FAT3: variants seen among roughly 807,000 people sequenced by gnomAD.
FAT3 encodes protocadherin Fat 3.
Under a neutral mutation model 310.2 loss-of-function variants are expected in FAT3, and 95 were observed. That is an observed-to-expected ratio of 0.31 (90% CI 0.26 to 0.36). The LOEUF (loss-of-function observed/expected upper bound fraction) is 0.36, where lower values mean the gene tolerates loss of function less well. Ranked by LOEUF, FAT3 falls within the 10% of genes least tolerant of loss-of-function variation. FAT3 has a pLI of 1.00. For synonymous variants in FAT3, 2,314 were observed against 2,192.9 expected (o/e 1.06, Z -1.54); for missense variants, 5,408 against 5,715.6 (o/e 0.95, Z 1.74).
chr11:92,235,730 A>C (rs1010499336), intron 1 of FAT3, among the ~76,000 whole-genome samples: 1 of 152,176 alleles, frequency 6.6e-6, no homozygotes, highest in Non-Finnish European at 1.5e-5. Flanking sequence ...TCACAGTTGG[A>C]GGAAAGATCC....
chr11:92,766,058 G>A (rs1946301834), intron 6 of FAT3, among the ~76,000 whole-genome samples: 1 of 152,094 alleles, frequency 6.6e-6, no homozygotes, highest in South Asian at 2.1e-4. Context: ...TCCCCCGCAA[G>A]CCGAATAGAG....
At chr11:92,471,667 G>A (rs564993542) in intron 2 of FAT3, among the ~76,000 whole-genome samples, 5 of 152,024 alleles carry the variant, frequency 3.3e-5, no homozygotes, top group African/African-American at 7.2e-5. Flanking sequence ...ATGCATTTAC[G>A]CTAATCAGTA....
intron 13 of FAT3, among the ~76,000 whole-genome samples, chr11:92,819,790 A>C (rs1180372918): frequency 1.3e-5 from 2 of 152,216 alleles, no homozygotes; most frequent in Non-Finnish European, 2.9e-5. Flanking sequence ...ATAATAAGAA[A>C]ATATCTGATT....
chr11:92,664,453 G>C (rs2135803881), intron 3 of FAT3, among the ~76,000 whole-genome samples: 1 of 152,212 alleles, frequency 6.6e-6, no homozygotes, highest in South Asian at 2.1e-4. Context: ...TCACATTTTG[G>C]TGTGAGATTG....
chr11:92,474,529 G>T (rs1278166601), intron 2 of FAT3, among the ~76,000 whole-genome samples: 2 of 152,128 alleles, frequency 1.3e-5, no homozygotes, highest in Non-Finnish European at 2.9e-5. Context: ...GGGGATGGAT[G>T]TCATTCCAGC....
At chr11:92,453,363 T>G (rs1394184199) in intron 2 of FAT3, among the ~76,000 whole-genome samples, 1 of 152,188 alleles carries the variant, frequency 6.6e-6, no homozygotes, top group Admixed American at 6.5e-5. Context: ...AAATGGTTGA[T>G]TCCCCTTTCT....
intron 22 of FAT3, among the ~76,000 whole-genome samples, chr11:92,873,898 G>A (rs1277339124): frequency 6.6e-6 from 1 of 152,112 alleles, no homozygotes; most frequent in Non-Finnish European, 1.5e-5. Context: ...TCTGAGAACT[G>A]GCATGAAGTG....
chr11:92,489,691 T>C (rs919186433), intron 2 of FAT3, among the ~76,000 whole-genome samples: 2 of 152,096 alleles, frequency 1.3e-5, no homozygotes, highest in African/African-American at 4.8e-5. Context: ...TAGGACATCA[T>C]TGCTCTATAT....
chr11:92,800,169 G>A lies in FAT3; in HGVS notation c.7156G>A (p.Asp2386Asn), dbSNP rs528105780. ...SEVLVHIYIS[D>N]VNDNPPVFNQ... ...GGTTCTCGTTCATATCTACATCTCTGATGTAAATGACAACCCTCCAGTTTT... is the reference window on the plus strand; with the variant it reads ...GGTTCTCGTTCATATCTACATCTCTAATGTAAATGACAACCCTCCAGTTTT... The change falls in exon 10 of 28, where the codon GAT (aspartate) becomes AAT (asparagine). Residue 2386 changes from aspartate to asparagine, a missense_variant. Transcript: ENST00000525166. 26 of 1,613,940 alleles carry A rather than the reference G, an allele frequency of 1.6e-5. No individual in the cohort carries two copies. The highest frequency in any genetic ancestry group is 2.2e-5 in the South Asian group (2 of 91,062).
intron 1 of FAT3, among the ~76,000 whole-genome samples, chr11:92,233,481 A>T (rs895321492): frequency 6.6e-6 from 1 of 152,200 alleles, no homozygotes; most frequent in African/African-American, 2.4e-5. Context: ...ATCTTGGACT[A>T]ATTTTTTCAT....
chr11:92,528,414 G>A (rs1473395563), intron 3 of FAT3, among the ~76,000 whole-genome samples: 3 of 152,144 alleles, frequency 2.0e-5, no homozygotes, highest in African/African-American at 4.8e-5. Context: ...CTTCCTTCCA[G>A]TTCGCTCAGT....
At chr11:92,296,784 T>C (rs903763603) in intron 1 of FAT3, among the ~76,000 whole-genome samples, 5 of 152,090 alleles carry the variant, frequency 3.3e-5, no homozygotes, top group Non-Finnish European at 7.4e-5. Flanking sequence ...GTGATAGCCA[T>C]TGCGCATGCT....
intron 4 of FAT3, among the ~76,000 whole-genome samples, chr11:92,726,507 A>G (rs1027419385): frequency 2.0e-5 from 3 of 152,154 alleles, no homozygotes; most frequent in Non-Finnish European, 4.4e-5. Flanking sequence ...ATGGTTAGTA[A>G]AAGAATGATA....
At chr11:92,306,731 ATATT>A (rs1947143655) in intron 1 of FAT3, among the ~76,000 whole-genome samples, 1 of 118,108 alleles carries the variant, frequency 8.5e-6, no homozygotes, top group African/African-American at 3.2e-5. Flanking sequence ...TATTATATAT[ATATT>A]TATATATAAA....
intron 2 of FAT3, among the ~76,000 whole-genome samples, chr11:92,444,995 G>A (rs1460321221): frequency 1.3e-5 from 2 of 152,126 alleles, no homozygotes; most frequent in Admixed American, 1.3e-4. Context: ...TCTTTAAAGA[G>A]CAAATTAAAT....
Position 92,798,546 on chromosome 11 carries a change from G to A in FAT3, c.5533G>A (p.Ala1845Thr). Residue 1845 changes from alanine (A) to threonine (T), a missense_variant, in exon 10 of 28, where the codon GCC (alanine) becomes ACC (threonine). By Grantham distance (58) the Ala-to-Thr change is moderately conservative (BLOSUM62 0). Around this residue, in one of 5 missense-constraint regions of FAT3, gnomAD observed 4,588 missense variants for 4,809.8 expected, o/e 0.95. Coordinates refer to ENST00000525166, the MANE Select transcript of FAT3 (RefSeq NM_001367949.2). ...TIANLDHETI[A>T]HFHFHVHVRD... Reference sequence around the variant, plus strand: ...TGCCAACCTGGACCATGAAACCATTGCCCATTTCCATTTTCATGTGCATGT... The same window carrying A: ...TGCCAACCTGGACCATGAAACCATTACCCATTTCCATTTTCATGTGCATGT... 6.2e-7 allele frequency: 1 copy of A among 1,613,694 alleles called. No homozygotes were observed. The highest frequency in any genetic ancestry group is 8.5e-7 in the Non-Finnish European group (1 of 1,179,732).
chr11:92,231,323 A>T (rs1053119048), intron 1 of FAT3, among the ~76,000 whole-genome samples: 5 of 152,192 alleles, frequency 3.3e-5, no homozygotes, highest in Middle Eastern at 3.2e-3. Context: ...CCTTAAAAAA[A>T]TTTGTAAAAA....
chr11:92,346,254 T>C (rs1013583831), intron 1 of FAT3, among the ~76,000 whole-genome samples: 1 of 152,152 alleles, frequency 6.6e-6, no homozygotes, highest in Non-Finnish European at 1.5e-5. Flanking sequence ...CTAAGCAGTA[T>C]CTGGCTGTTC....
intron 3 of FAT3, among the ~76,000 whole-genome samples, chr11:92,583,445 A>G (rs889188569): frequency 7.2e-5 from 11 of 152,042 alleles, no homozygotes; most frequent in East Asian, 1.9e-4. Flanking sequence ...AGATACCTAT[A>G]TATTATCTCA....
Sources: gnomAD v4.1 joint callset for allele counts (sites outside exome capture counted in the v4.1 genomes callset) on GRCh38, gnomAD v4.1.1 for gene constraint, gnomAD v4.1.1 regional missense constraint, MANE v1.5 for transcripts, NCBI Gene and HGNC (gene_info 2026-07-23, HGNC 2026-07-21) for gene names.